Variants in PSIP1 observed in about 807,000 individuals in gnomAD.
PSIP1 encodes PC4 and SFRS1-interacting protein.
Under a neutral mutation model 74.7 loss-of-function variants are expected in PSIP1, and 19 were observed. The ratio of observed to expected loss-of-function variants is 0.25; its 90% confidence interval spans 0.18 to 0.37. The LOEUF (loss-of-function observed/expected upper bound fraction) is 0.37. PSIP1 is among the 10% of genes least tolerant of loss of function. PSIP1 has a pLI of 1.00. For missense variants in PSIP1, 601 were observed against 614.3 expected, an observed-to-expected ratio of 0.98 and a Z score of 0.23; for synonymous variants, 222 against 195.3, an observed-to-expected ratio of 1.14 and a Z score of -1.14.
At chr9:15,472,232 G>A (rs940098038) in intron 10 of PSIP1, 6 of 990,310 alleles carry the variant, frequency 6.1e-6, no homozygotes, top group South Asian at 9.3e-5. Context: ...CTGGTCTTTA[G>A]GGTGAGGCCT....
intron 3 of PSIP1, among the ~76,000 whole-genome samples, chr9:15,501,859 ATATATAT>A (rs2037362502): frequency 6.8e-6 from 1 of 147,870 alleles, no homozygotes; most frequent in Non-Finnish European, 1.5e-5. Context: ...ATATATATAT[ATATATAT>A]AAAACGCACA....
intron 4 of PSIP1, among the ~76,000 whole-genome samples, chr9:15,488,126 C>T (rs1184891664): frequency 5.9e-5 from 9 of 151,714 alleles, no homozygotes; most frequent in Middle Eastern, 3.4e-3. Flanking sequence ...GTCAGGAGTT[C>T]AAGACTGGCC....
chr9:15,491,528 C>T (rs187614906), intron 3 of PSIP1, among the ~76,000 whole-genome samples: 2 of 152,230 alleles, frequency 1.3e-5, no homozygotes, highest in East Asian at 1.9e-4. Flanking sequence ...CCACAAATAA[C>T]GAGCCTCAAC....
chr9:15,498,048 T>C (rs1283302259), intron 3 of PSIP1, among the ~76,000 whole-genome samples: 1 of 152,176 alleles, frequency 6.6e-6, no homozygotes, highest in African/African-American at 2.4e-5. Flanking sequence ...TTTTATATTA[T>C]AAAATCACAC....
At chr9:15,482,810 TTTACCATTAA>T (rs1364111295) in intron 6 of PSIP1, among the ~76,000 whole-genome samples, 1 of 152,282 alleles carries the variant, frequency 6.6e-6, no homozygotes, top group African/African-American at 2.4e-5. Context: ...ACAGTGTAAC[TTTACCATTAA>T]CATTTATTCT....
chr9:15,501,584 G>A (rs978703722), intron 3 of PSIP1, among the ~76,000 whole-genome samples: 7 of 152,016 alleles, frequency 4.6e-5, no homozygotes, highest in Non-Finnish European at 1.0e-4. Context: ...TAATGAGGCT[G>A]GAGAGGTAAG....
intron 6 of PSIP1, among the ~76,000 whole-genome samples, chr9:15,482,873 T>C (rs919093566): frequency 2.6e-5 from 4 of 152,204 alleles, no homozygotes; most frequent in African/African-American, 9.6e-5. Context: ...TTCAACTAAA[T>C]GGAGTTCACC....
intron 2 of PSIP1, 114 bp downstream of exon 2, chr9:15,510,003 G>A: frequency 9.3e-7 from 1 of 1,073,712 alleles, no homozygotes; most frequent in Non-Finnish European, 1.3e-6. Flanking sequence ...GGTTACAAAT[G>A]AGACTAAAGC....
At chr9:15,499,422 T>C (rs184503964) in intron 3 of PSIP1, among the ~76,000 whole-genome samples, 19 of 152,356 alleles carry the variant, frequency 1.2e-4, no homozygotes, top group Admixed American at 9.8e-4. Context: ...GCACACACGT[T>C]GAAGCCCTAA....
chr9:15,499,734 C>T (rs1328715226), intron 3 of PSIP1, among the ~76,000 whole-genome samples: 1 of 151,982 alleles, frequency 6.6e-6, no homozygotes, highest in Admixed American at 6.6e-5. Context: ...ATTAGCTGGG[C>T]TTGGGGGCGC....
chr9:15,503,759 T>G (rs2037453533), intron 3 of PSIP1, among the ~76,000 whole-genome samples: 1 of 152,112 alleles, frequency 6.6e-6, no homozygotes, highest in Admixed American at 6.5e-5. Flanking sequence ...TTTTGTTTGT[T>G]TTTTAGAGAC....
In PSIP1 at chr9:15,468,853, C is replaced by G. The variant is rs1400951087; in HGVS notation, c.1207-10G>C. 4 of 1,610,312 alleles carry G rather than the reference C, an allele frequency of 2.5e-6. No homozygotes were observed. The highest frequency in any genetic ancestry group is 3.4e-6 in the Non-Finnish European group (4 of 1,176,922). On this transcript the variant is annotated splice_polypyrimidine_tract_variant and intron_variant, in intron 13 of 15. Coordinates refer to ENST00000380733, the MANE Select transcript of PSIP1 (RefSeq NM_033222.5). ...CTTTGAATCGCCGTATCTGAGAAAA[C>G]AATATACATTCATCATAATTGTTTT... is the stretch of plus-strand genomic sequence containing the variant.
chr9:15,491,732 TGAAGA>T (rs1373523904), intron 3 of PSIP1, among the ~76,000 whole-genome samples: 1 of 152,180 alleles, frequency 6.6e-6, no homozygotes, highest in Non-Finnish European at 1.5e-5. Flanking sequence ...CACGCTGCTA[TGAAGA>T]AATACCAGAG....
chr9:15,465,588 A>G lies in PSIP1; in HGVS notation c.1533-8T>C. ...CTCTCTTCACTGGATGGCCTGAAGA[A>G]AAGGGGGAAAGGTACAACTGGAATT... On this transcript the variant is annotated splice_polypyrimidine_tract_variant and splice_region_variant and intron_variant, in intron 15 of 15. Coordinates refer to ENST00000380733, the MANE Select transcript of PSIP1 (RefSeq NM_033222.5). 6.4e-7 allele frequency: 1 copy of G among 1,564,136 alleles called. No homozygotes were observed. The highest frequency in any genetic ancestry group is 8.8e-7 in the Non-Finnish European group (1 of 1,141,034).
chr9:15,503,450 C>T (rs915258041), intron 3 of PSIP1, among the ~76,000 whole-genome samples: 4 of 150,786 alleles, frequency 2.7e-5, no homozygotes, highest in South Asian at 2.1e-4. Flanking sequence ...TGAAACCAGG[C>T]GTTGGAGACC....
chr9:15,504,701 C>T (rs538993143), intron 3 of PSIP1, among the ~76,000 whole-genome samples: 1 of 150,536 alleles, frequency 6.6e-6, no homozygotes, highest in East Asian at 2.0e-4. Context: ...CATGCCACTG[C>T]ACTCCAGCCT....
Position 15,468,635 on chromosome 9 carries a change from T to C in PSIP1, c.1415A>G (p.Gln472Arg). ...GTTGGCTTTTTACCACATACCTGTTTGTTCCTTCTCTAGCTTTTTGTTTGG... is the reference window on the plus strand; with the variant it reads ...GTTGGCTTTTTACCACATACCTGTTCGTTCCTTCTCTAGCTTTTTGTTTGG... ...KGPNKKLEKEQTGSKTLNGGS... is the reference protein window; with the variant it reads ...KGPNKKLEKERTGSKTLNGGS... Residue 472 changes from glutamine to arginine, a missense_variant, in exon 14 of 16, where the codon CAA becomes CGA. Coordinates refer to ENST00000380733, the MANE Select transcript of PSIP1 (RefSeq NM_033222.5). 6.2e-7 allele frequency: 1 copy of C among 1,613,882 alleles called. No homozygotes were observed. Among genetic ancestry groups the C allele is most frequent in the Non-Finnish European group, 8.5e-7 (1 of 1,179,774 alleles).
At chr9:15,490,312 A>T (rs7045773) in intron 3 of PSIP1, among the ~76,000 whole-genome samples, 188 bp from the exon 4 acceptor site, 2,279 of 152,316 alleles carry the variant, frequency 0.015, 50 homozygotes, top group African/African-American at 0.052. Flanking sequence ...TACTATTTAA[A>T]TCCATAATCC....
chr9:15,473,970 AAGAAT>A (rs1417215755), intron 9 of PSIP1, 34 bp downstream of exon 9: 2 of 1,421,862 alleles, frequency 1.4e-6, no homozygotes, highest in Non-Finnish European at 1.9e-6. Context: ...TATATAAACT[AAGAAT>A]AGAACAGCCA....
Sources: gnomAD v4.1 joint callset for allele counts (sites outside exome capture counted in the v4.1 genomes callset) on GRCh38, gnomAD v4.1.1 for gene constraint, MANE v1.5 for transcripts, NCBI Gene and HGNC (gene_info 2026-07-23, HGNC 2026-07-21) for gene names.